Variants in SLC8A1 observed in about 807,000 individuals in gnomAD.
The protein encoded by SLC8A1 is solute carrier family 8 member A1, also known as sodium/calcium exchanger 1.
A neutral mutation model predicts 68.3 loss-of-function variants in SLC8A1; 18 were observed. The observed-to-expected ratio is 0.26, with a 90% CI of 0.18 to 0.39. The LOEUF (loss-of-function observed/expected upper bound fraction) is 0.39. SLC8A1 is among the 10% of genes least tolerant of loss of function. The probability of loss-of-function intolerance (pLI) is 1.00; values close to 1 mark genes in which losing one functional copy is unlikely to be tolerated. For synonymous variants in SLC8A1, 475 were observed against 415.5 expected (o/e 1.14, Z -1.74); for missense variants, 985 against 1,156.7 (o/e 0.85, Z 2.15).
At chr2:40,247,032 C>A (rs565230423) in intron 2 of SLC8A1, among the ~76,000 whole-genome samples, 1 of 152,054 alleles carries the variant, frequency 6.6e-6, no homozygotes, top group Non-Finnish European at 1.5e-5. Context: ...TGAGAAATAG[C>A]CATTTTAGTG....
rs2041826 is a variant in SLC8A1, at chr2:40,189,544, C to G, written c.1809-11689G>C. 3.0e-3 allele frequency among the ~76,000 whole-genome samples: 464 copies of G among 152,186 alleles called. 6 individuals carry two copies. The highest frequency in any genetic ancestry group is 0.017 in the Middle Eastern group (5 of 294). ...CCGTGTTGGCCAGGCTGGTCTCGAA[C>G]TCAGGTAATACCACCCACCCCAGCC... On this transcript the variant is annotated intron_variant, in intron 2 of 7. Coordinates refer to ENST00000406785, the Ensembl canonical transcript of SLC8A1.
At chr2:40,430,196 G>T in exon 2 of SLC8A1, 1 of 1,613,632 alleles carries the variant, frequency 6.2e-7, no homozygotes, top group Non-Finnish European at 8.5e-7. Context: ...TGGTCCACAT[G>T]GGAAAATAAG....
Position 40,396,748 on chromosome 2 carries a change from T to TAAAAAAAAAAAA in SLC8A1, c.1808+31713_1808+31724dup, listed in dbSNP as rs368483768. On this transcript the variant is annotated intron_variant, in intron 2 of 7. Transcript: ENST00000406785. Reference sequence around the variant, plus strand: ...TTTAACCTCCATCATCTCTAATAACTAAAAAAAAAAAAAAAAAAAAAAAAA... The same window carrying TAAAAAAAAAAAA: ...TTTAACCTCCATCATCTCTAATAACTAAAAAAAAAAAAAAAAAAAAAAAAAAAAAAAAAAAAA... Among the ~76,000 whole-genome samples the TAAAAAAAAAAAA allele has an allele frequency of 1.0e-3, 90 of 87,028 alleles. 4 individuals are homozygous for TAAAAAAAAAAAA. The highest frequency in any genetic ancestry group is 1.6e-3 in the African/African-American group (25 of 16,114). The allele number at this position is 87,028 out of a possible 152,430, so 57.1% of individuals were successfully genotyped here. A position where few individuals can be genotyped will look rare whatever the true frequency, so the allele number is the denominator to read the frequency against.
exon 8 of SLC8A1, chr2:40,105,477 G>A (rs2034138684): frequency 6.6e-6 from 1 of 152,170 alleles, no homozygotes; most frequent in Non-Finnish European, 1.5e-5. Context: ...TCTAAACAGT[G>A]ATTAAGCAAT....
chr2:40,099,232 T>G (rs1184739751), exon 8 of SLC8A1: 1 of 152,076 alleles, frequency 6.6e-6, no homozygotes, highest in Non-Finnish European at 1.5e-5. Flanking sequence ...CTGGAATCTT[T>G]TTCATTATAA....
At chr2:40,104,454 C>T (rs1440131385) in exon 8 of SLC8A1, 1 of 152,114 alleles carries the variant, frequency 6.6e-6, no homozygotes, top group East Asian at 1.9e-4. Context: ...ATCCATTTAT[C>T]TTATTAGTGG....
intron 2 of SLC8A1, among the ~76,000 whole-genome samples, chr2:40,188,818 G>A (rs2051199050): frequency 6.6e-6 from 1 of 152,124 alleles, no homozygotes; most frequent in Admixed American, 6.5e-5. Flanking sequence ...GCCACAAAAT[G>A]CACAGTGGCA....
intron 2 of SLC8A1, among the ~76,000 whole-genome samples, chr2:40,255,408 T>C (rs1193933026): frequency 6.6e-6 from 1 of 152,224 alleles, no homozygotes; most frequent in African/African-American, 2.4e-5. Flanking sequence ...TCTCTCATCA[T>C]GTATATTCAA....
At chr2:40,439,245 G>A (rs1437399589) in intron 1 of SLC8A1, among the ~76,000 whole-genome samples, 1 of 152,082 alleles carries the variant, frequency 6.6e-6, no homozygotes, top group Admixed American at 6.6e-5. Context: ...AAACAAGCAA[G>A]GATTACTAGG....
At chr2:40,480,258 T>G (rs1261536061) in intron 1 of SLC8A1, among the ~76,000 whole-genome samples, 2 of 152,202 alleles carry the variant, frequency 1.3e-5, no homozygotes, top group African/African-American at 4.8e-5. Flanking sequence ...TACTATGGTC[T>G]GAATATTTGT....
At chr2:40,204,608 T>A (rs1439489263) in intron 2 of SLC8A1, among the ~76,000 whole-genome samples, 2 of 151,998 alleles carry the variant, frequency 1.3e-5, no homozygotes, top group Admixed American at 6.6e-5. Flanking sequence ...GAGCTAATGT[T>A]GTCTTGTTTC....
chr2:40,397,907 T>C (rs1310924636), intron 2 of SLC8A1, among the ~76,000 whole-genome samples: 3 of 152,172 alleles, frequency 2.0e-5, no homozygotes, highest in Non-Finnish European at 2.9e-5. Context: ...AAATTTATCA[T>C]GGTTGGGTAG....
chr2:40,152,717 C>A (rs1315523063), intron 6 of SLC8A1, among the ~76,000 whole-genome samples: 1 of 151,886 alleles, frequency 6.6e-6, no homozygotes, highest in Non-Finnish European at 1.5e-5. Context: ...CACCTGACCT[C>A]CTCTGCAGTT....
At chr2:40,246,327 G>A (rs964309944) in intron 2 of SLC8A1, among the ~76,000 whole-genome samples, 24 of 152,166 alleles carry the variant, frequency 1.6e-4, no homozygotes, top group Admixed American at 2.6e-4. Flanking sequence ...ACTTCAAAAC[G>A]TCTGCTTTTA....
intron 6 of SLC8A1, among the ~76,000 whole-genome samples, chr2:40,158,573 C>G (rs1437036951): frequency 2.6e-5 from 4 of 152,100 alleles, no homozygotes; most frequent in Non-Finnish European, 5.9e-5. Flanking sequence ...AAGCTCTAGG[C>G]AGGAGTTAGT....
At chr2:40,410,158 G>C (rs1559563767) in intron 2 of SLC8A1, among the ~76,000 whole-genome samples, 2 of 152,024 alleles carry the variant, frequency 1.3e-5, no homozygotes, top group South Asian at 2.1e-4. Flanking sequence ...TGAAGTTTTA[G>C]ACAATAAATC....
intron 2 of SLC8A1, among the ~76,000 whole-genome samples, chr2:40,329,220 C>G (rs926464044): frequency 3.9e-5 from 6 of 152,130 alleles, no homozygotes; most frequent in African/African-American, 1.2e-4. Context: ...AAACCTTACG[C>G]AACCGTTAGG....
chr2:40,405,198 C>T (rs1196250334), intron 2 of SLC8A1, among the ~76,000 whole-genome samples: 1 of 152,088 alleles, frequency 6.6e-6, no homozygotes, highest in East Asian at 1.9e-4. Flanking sequence ...GGACAGAGTG[C>T]CAAATTTCAG....
chr2:40,289,011 T>C (rs2068815321), intron 2 of SLC8A1, among the ~76,000 whole-genome samples: 1 of 151,766 alleles, frequency 6.6e-6, no homozygotes, highest in Non-Finnish European at 1.5e-5. Flanking sequence ...AAAATGACCA[T>C]ATCTTTTGAC....
Sources: gnomAD v4.1 joint callset for allele counts (sites outside exome capture counted in the v4.1 genomes callset) on GRCh38, gnomAD v4.1.1 for gene constraint, MANE v1.5 for transcripts, NCBI Gene and HGNC (gene_info 2026-07-23, HGNC 2026-07-21) for gene names.